Variants in RARB observed in about 807,000 individuals in gnomAD.
RARB encodes the protein HBV-activated protein.
Under a neutral mutation model 51.9 loss-of-function variants are expected in RARB, and 17 were observed. The ratio of observed to expected loss-of-function variants is 0.33; its 90% CI spans 0.22 to 0.49. The LOEUF is 0.49. Among genes scored for constraint, RARB ranks in the 20% least tolerant of loss-of-function variants. The pLI is 0.99. For synonymous variants in RARB, 215 were observed against 195.4 expected (o/e 1.10, Z -0.84); for missense variants, 369 against 550.8 (o/e 0.67, Z 3.30).
intron 4 of RARB, among the ~76,000 whole-genome samples, chr3:25,572,000 T>A (rs1033774170): frequency 1.3e-5 from 2 of 152,244 alleles, no homozygotes; most frequent in South Asian, 2.1e-4. Context: ...CATTTATTTC[T>A]TTTAGAAATA....
chr3:24,975,601 CTT>C (rs139156529), intron 2 of RARB, among the ~76,000 whole-genome samples: 721 of 152,184 alleles, frequency 4.7e-3, no homozygotes, highest in African/African-American at 0.017. Flanking sequence ...AAAGGAAAGA[CTT>C]AACTAGTTGG....
chr3:25,482,325 A>G (rs1559426136), intron 2 of RARB, among the ~76,000 whole-genome samples: 1 of 152,170 alleles, frequency 6.6e-6, no homozygotes, highest in Non-Finnish European at 1.5e-5. Flanking sequence ...ACACTCATGT[A>G]GGATTTAGTT....
chr3:24,952,205 C>T (rs183293910), intron 2 of RARB, among the ~76,000 whole-genome samples: 2 of 151,608 alleles, frequency 1.3e-5, no homozygotes, highest in African/African-American at 4.8e-5. Flanking sequence ...GAGACCCTGT[C>T]TATTTAAACA....
chr3:25,298,051 C>G (rs1027598141), intron 5 of RARB, among the ~76,000 whole-genome samples: 1 of 152,152 alleles, frequency 6.6e-6, no homozygotes, highest in East Asian at 1.9e-4. Context: ...GGACAAAAGA[C>G]AGCTAAGCAT....
At chr3:25,391,273 A>G (rs1307297616) in intron 5 of RARB, among the ~76,000 whole-genome samples, 1 of 151,808 alleles carries the variant, frequency 6.6e-6, no homozygotes, top group East Asian at 1.9e-4. Context: ...TATATACCAT[A>G]TTTTCTTTAT....
chr3:25,540,771 T>C (rs761624237), intron 3 of RARB, among the ~76,000 whole-genome samples: 1 of 152,188 alleles, frequency 6.6e-6, no homozygotes, highest in Non-Finnish European at 1.5e-5. Flanking sequence ...ATAATGAGCA[T>C]GTATGATTTT....
chr3:25,199,780 C>A (rs894752106), intron 5 of RARB, among the ~76,000 whole-genome samples: 146 of 152,076 alleles, frequency 9.6e-4, no homozygotes, highest in East Asian at 3.9e-4. Flanking sequence ...TGAACTCATC[C>A]TTTTTTATGG....
At chr3:25,070,099 G>T (rs1440998928) in intron 3 of RARB, among the ~76,000 whole-genome samples, 1 of 152,176 alleles carries the variant, frequency 6.6e-6, no homozygotes, top group African/African-American at 2.4e-5. Context: ...TTTTTGGCAG[G>T]AACCTATTGG....
intron 2 of RARB, among the ~76,000 whole-genome samples, chr3:24,958,019 G>A (rs1429068930): frequency 1.3e-5 from 2 of 151,938 alleles, no homozygotes; most frequent in Non-Finnish European, 2.9e-5. Flanking sequence ...AATTTTTATT[G>A]GTGACTGTGT....
chr3:25,132,069 C>T (rs948182253), intron 3 of RARB, among the ~76,000 whole-genome samples: 2 of 151,906 alleles, frequency 1.3e-5, no homozygotes, highest in Non-Finnish European at 1.5e-5. Flanking sequence ...CTTGACACAT[C>T]TTGACACATT....
intron 5 of RARB, among the ~76,000 whole-genome samples, chr3:25,214,364 C>T (rs1390722448): frequency 6.6e-6 from 1 of 152,176 alleles, no homozygotes. Flanking sequence ...ACTAGGAGCA[C>T]ATTTCTAACT....
intron 5 of RARB, among the ~76,000 whole-genome samples, chr3:25,350,418 C>A (rs1023370380): frequency 1.6e-4 from 25 of 152,144 alleles, no homozygotes; most frequent in African/African-American, 6.0e-4. Context: ...GTGGCTTTGA[C>A]TTTAGTTGAG....
chr3:25,521,628 C>G (rs1667268641), intron 3 of RARB, among the ~76,000 whole-genome samples: 1 of 152,098 alleles, frequency 6.6e-6, no homozygotes. Flanking sequence ...TAGAAGCTGT[C>G]TATTAAAAAG....
chr3:25,533,151 CTA>C (rs749575871), intron 3 of RARB, among the ~76,000 whole-genome samples: 1 of 152,116 alleles, frequency 6.6e-6, no homozygotes. Context: ...ACAAAAAGCT[CTA>C]TTTTTATAAA....
intron 4 of RARB, among the ~76,000 whole-genome samples, chr3:25,172,521 A>G (rs1700664621): frequency 6.6e-6 from 1 of 152,232 alleles, no homozygotes; most frequent in Non-Finnish European, 1.5e-5. Context: ...GGTTTATAAG[A>G]ATCAAACTGA....
Position 25,178,630 on chromosome 3 carries a change from C to T in RARB, c.178+4055C>T, listed in dbSNP as rs907814093. On this transcript the variant is annotated intron_variant, in intron 5 of 11. Transcript: ENST00000383772. ...CTCCACCATGGACATCTTTTTTCCACGATGTTCCAGGGAGTCCTTGGAGAT... is the reference window on the plus strand; with the variant it reads ...CTCCACCATGGACATCTTTTTTCCATGATGTTCCAGGGAGTCCTTGGAGAT... Among the ~76,000 whole-genome samples the T allele has an allele frequency of 2.6e-5, 4 of 152,160 alleles. 1 individual carries two copies. Among genetic ancestry groups the T allele is most frequent in the Admixed American group, 6.5e-5 (1 of 15,288 alleles).
At chr3:24,913,660 T>G (rs1312080948) in intron 2 of RARB, among the ~76,000 whole-genome samples, 1 of 152,136 alleles carries the variant, frequency 6.6e-6, no homozygotes, top group Admixed American at 6.6e-5. Flanking sequence ...AAGTTACATC[T>G]TAATGTGAAA....
chr3:24,980,521 G>C (rs911604730), intron 2 of RARB, among the ~76,000 whole-genome samples: 17 of 151,872 alleles, frequency 1.1e-4, no homozygotes, highest in African/African-American at 3.9e-4. Flanking sequence ...ATCTTCAGTC[G>C]ATCAAATTCG....
chr3:24,947,458 G>GA (rs1559407296), intron 2 of RARB, among the ~76,000 whole-genome samples: 1 of 152,220 alleles, frequency 6.6e-6, no homozygotes, highest in Non-Finnish European at 1.5e-5. Context: ...TTCATTTTGA[G>GA]AAGTAGAACG....
Sources: gnomAD v4.1 joint callset for allele counts (sites outside exome capture counted in the v4.1 genomes callset) on GRCh38, gnomAD v4.1.1 for gene constraint, MANE v1.5 for transcripts, NCBI Gene and HGNC (gene_info 2026-07-23, HGNC 2026-07-21) for gene names.